HMGXB3: variants seen among roughly 807,000 people sequenced by gnomAD.
HMGXB3 encodes the protein HMG domain-containing protein 3.
A neutral mutation model predicts 121.5 loss-of-function variants in HMGXB3; 45 were observed. That is an observed-to-expected ratio of 0.37 (90% CI 0.29 to 0.47). The LOEUF is 0.47. HMGXB3 is among the 20% of genes least tolerant of loss of function. The pLI, the probability that HMGXB3 is intolerant of heterozygous loss-of-function variation, is 0.99. For synonymous variants in HMGXB3, 590 were observed against 624.1 expected, an observed-to-expected ratio of 0.95 and a Z score of 0.81; for missense variants, 1,376 against 1,602.2, an observed-to-expected ratio of 0.86 and a Z score of 2.41.
chr5:150,048,794 A>G (rs1756820617), intron 18 of HMGXB3, 109 bp downstream of exon 18: 2 of 799,954 alleles, frequency 2.5e-6, no homozygotes, highest in Middle Eastern at 2.5e-4. Context: ...TCACTGGGCA[A>G]CCTCCGGCAT....
chr5:150,050,720 A>T (rs955142531), intron 19 of HMGXB3, among the ~76,000 whole-genome samples: 1 of 152,054 alleles, frequency 6.6e-6, no homozygotes, highest in African/African-American at 2.4e-5. Flanking sequence ...GGCTCAAGCA[A>T]TCCACATGCC....
At chr5:150,043,882 A>G (rs758086336) in intron 15 of HMGXB3, among the ~76,000 whole-genome samples, 5 of 152,196 alleles carry the variant, frequency 3.3e-5, no homozygotes, top group Admixed American at 2.0e-4. Flanking sequence ...CACCCTAAGC[A>G]CTGCCATTCT....
intron 6 of HMGXB3, among the ~76,000 whole-genome samples, chr5:150,023,363 G>A (rs1001484568): frequency 6.6e-6 from 1 of 152,046 alleles, no homozygotes; most frequent in Non-Finnish European, 1.5e-5. Context: ...ATTTCATAAG[G>A]GGAAATGAGG....
chr5:150,041,017 A>G (rs1159097021), intron 14 of HMGXB3, 138 bp downstream of exon 14: 2 of 840,906 alleles, frequency 2.4e-6, no homozygotes, highest in Non-Finnish European at 3.5e-6. Context: ...ACTTCCTAAT[A>G]CACTCTTCCT....
intron 9 of HMGXB3, among the ~76,000 whole-genome samples, chr5:150,028,555 ATATATTTTT>A (rs1422623835): frequency 7.0e-5 from 4 of 57,116 alleles, no homozygotes; most frequent in African/African-American, 2.0e-4. Context: ...ATATATATAT[ATATATTTTT>A]TTTTTTTTTT....
chr5:150,025,742 AT>A (rs902284880), intron 7 of HMGXB3, among the ~76,000 whole-genome samples: 84 of 141,244 alleles, frequency 5.9e-4, no homozygotes, highest in Non-Finnish European at 5.6e-4. Flanking sequence ...TAATTTTTGT[AT>A]TTTTTTTTTT....
intron 15 of HMGXB3, among the ~76,000 whole-genome samples, chr5:150,044,128 A>G (rs1032949018): frequency 5.3e-5 from 8 of 152,138 alleles, no homozygotes; most frequent in African/African-American, 1.9e-4. Flanking sequence ...TACTTCTTTC[A>G]TAGAGGTACT....
At chr5:150,028,074 T>A (rs1756275502) in intron 9 of HMGXB3, among the ~76,000 whole-genome samples, 1 of 152,146 alleles carries the variant, frequency 6.6e-6, no homozygotes. Flanking sequence ...AGTTTGGTTT[T>A]ATACATTCTA....
At chr5:150,022,934 T>G (rs1164657416) in intron 6 of HMGXB3, among the ~76,000 whole-genome samples, 2 of 149,006 alleles carry the variant, frequency 1.3e-5, no homozygotes, top group Non-Finnish European at 3.0e-5. Context: ...CCTCAGCCTC[T>G]CGAGTAGCTG....
rs780094671 is a variant in HMGXB3 at position 150,050,386 on chromosome 5, C to T, written c.3336C>T (p.Leu1112=). The T allele has an allele frequency of 4.2e-5, 65 of 1,551,646 alleles. No individual in the cohort carries two copies. The highest frequency in any genetic ancestry group is 5.3e-5 in the Non-Finnish European group (61 of 1,147,012). ...MATSVALCAD[L]CYPELTNQMW... ...CGTCAGTGGCCCTGTGTGCTGACCTCTGCTACCCAGAGCTGACTAACCAGA... is the reference window on the plus strand; with the variant it reads ...CGTCAGTGGCCCTGTGTGCTGACCTTTGCTACCCAGAGCTGACTAACCAGA... Residue 1112 remains leucine (L), a synonymous_variant, in exon 19 of 20, where the codon CTC becomes CTT. Transcript: ENST00000502717.
In HMGXB3 at chr5:150,010,359, C is replaced by G; in HGVS notation, c.561C>G (p.Ala187=). Residue 187 remains alanine (A), a synonymous_variant, in exon 4 of 20, where the codon GCC becomes GCG. Coordinates refer to ENST00000502717, the MANE Select transcript of HMGXB3 (RefSeq NM_014983.3). ...GMAEQCLAVE[A]LAEEVGALTQ... Reference sequence around the variant, plus strand: ...CAGAGCAGTGCCTGGCTGTGGAGGCCCTGGCTGAGGAGGTGGGAGCCCTTA... The same window carrying G: ...CAGAGCAGTGCCTGGCTGTGGAGGCGCTGGCTGAGGAGGTGGGAGCCCTTA... 6.4e-7 allele frequency: 1 copy of G among 1,551,632 alleles called. No individual in the cohort carries two copies. The highest frequency in any genetic ancestry group is 1.4e-5 in the African/African-American group (1 of 73,130).
In HMGXB3 at chr5:150,041,842, A is replaced by T. The variant is rs995525512; in HGVS notation, c.2603A>T (p.Tyr868Phe). 6 of 1,551,626 alleles carry T rather than the reference A, an allele frequency of 3.9e-6. No homozygotes were observed. The highest frequency in any genetic ancestry group is 5.2e-6 in the Non-Finnish European group (6 of 1,146,930). Residue 868 changes from tyrosine to phenylalanine, a missense_variant, in exon 15 of 20, where the codon TAT (tyrosine) becomes TTT (phenylalanine). Transcript: ENST00000502717. ...SQLQELLCNG[Y>F]WAFECLTVRD... is the part of the protein sequence containing the mutation. ...CTGCAGGAGCTGCTGTGCAATGGCT[A>T]TTGGGCCTTTGAGTGCCTCACTGTC...
In HMGXB3 at chr5:150,051,745, C is replaced by A; in HGVS notation, c.3432C>A (p.Leu1144=). 1 of 1,531,136 alleles carries A rather than the reference C, an allele frequency of 6.5e-7. No individual in the cohort carries two copies. Among genetic ancestry groups the A allele is most frequent in the Non-Finnish European group, 8.8e-7 (1 of 1,139,758 alleles). 94.8% of individuals were successfully genotyped at this position (1,531,136 alleles called of 1,614,324 possible). Residue 1144 remains leucine (L), a synonymous_variant, in exon 20 of 20, where the codon CTC becomes CTA. Transcript: ENST00000502717. The part of the protein sequence containing the change: ...EPPVSVSCPE[L]LDQHYTVDMT... ...TCTAGAGTGTGTCCTGCCCAGAGCT[C>A]TTGGACCAGCATTATACTGTGGACA...
Position 150,036,706 on chromosome 5 carries a change from A to G in HMGXB3, c.2054A>G (p.Gln685Arg). The change falls in exon 12 of 20, where the codon CAG (glutamine) becomes CGG (arginine). Residue 685 changes from glutamine (Q) to arginine (R), a missense_variant. Gln to Arg is a conservative substitution (Grantham distance 43, BLOSUM62 1). This residue lies in a region of HMGXB3 where 1,116 missense variants were observed against 1,369.0 expected (regional missense o/e 0.82). Transcript: ENST00000502717. ...EPLSTAQREI[Q>R]RQSTLQLLRK... ...CTGAGCACAGCCCAGAGGGAGATCC[A>G]GCGCCAGTCCACACTGCAGCTGCTG... The G allele has an allele frequency of 6.4e-7, 1 of 1,551,384 alleles. No individual in the cohort carries two copies. The highest frequency in any genetic ancestry group is 8.7e-7 in the Non-Finnish European group (1 of 1,147,012).
chr5:150,018,033 T>C (rs745923577), intron 5 of HMGXB3, among the ~76,000 whole-genome samples: 6 of 152,210 alleles, frequency 3.9e-5, no homozygotes, highest in Non-Finnish European at 7.3e-5. Context: ...ATTTTTATTC[T>C]GAATCCCAGG....
At chr5:150,010,658 A>T (rs985635615) in intron 4 of HMGXB3, 50 bp downstream of exon 4, 2 of 1,499,408 alleles carry the variant, frequency 1.3e-6, no homozygotes, top group African/African-American at 2.8e-5. Context: ...AGTTACTTAA[A>T]GGGCAGCTAG....
intron 1 of HMGXB3, among the ~76,000 whole-genome samples, 192 bp from the exon 2 acceptor site, chr5:150,004,659 A>G (rs1755654936): frequency 6.6e-6 from 1 of 152,212 alleles, no homozygotes; most frequent in Non-Finnish European, 1.5e-5. Context: ...ATTCTGCTCC[A>G]GGAGGGCTGA....
chr5:150,028,647 G>T (rs1756303469), intron 9 of HMGXB3, among the ~76,000 whole-genome samples: 1 of 145,830 alleles, frequency 6.9e-6, no homozygotes, highest in East Asian at 2.0e-4. Flanking sequence ...GCTCACTGCA[G>T]CCTCGAACTC....
intron 6 of HMGXB3, among the ~76,000 whole-genome samples, chr5:150,022,986 A>ATTTTTTTT (rs56092645): frequency 9.9e-6 from 1 of 100,868 alleles, no homozygotes; most frequent in African/African-American, 4.4e-5. Context: ...TGCCTGGCTA[A>ATTTTTTTT]TTTTTTTTTT....
Sources: gnomAD v4.1 joint callset for allele counts (sites outside exome capture counted in the v4.1 genomes callset) on GRCh38, gnomAD v4.1.1 for gene constraint, gnomAD v4.1.1 regional missense constraint, MANE v1.5 for transcripts, NCBI Gene and HGNC (gene_info 2026-07-23, HGNC 2026-07-21) for gene names.